The following GREB1L variants were observed in gnomAD, a reference collection of about 807,000 sequenced individuals.
The protein encoded by GREB1L is GREB1-like protein.
GREB1L carries 17 observed loss-of-function variants against 200.8 expected under a neutral mutation model. The observed-to-expected ratio is 0.08, with a 90% CI of 0.06 to 0.13. The LOEUF (loss-of-function observed/expected upper bound fraction) is 0.13. GREB1L is among the 10% of genes least tolerant of loss of function. GREB1L has a pLI of 1.00. For missense variants in GREB1L, 1,657 were observed against 2,367.7 expected (o/e 0.70, Z 6.23); for synonymous variants, 789 against 893.0 (o/e 0.88, Z 2.08).
chr18:21,440,243 T>C, intron 8 of GREB1L, 26 bp from the exon 9 acceptor site: 1 of 1,551,190 alleles, frequency 6.4e-7, no homozygotes. Flanking sequence ...ACTATCTCTT[T>C]TTTTTGTTTT....
At chr18:21,355,620 G>T (rs2143416471) in intron 1 of GREB1L, among the ~76,000 whole-genome samples, 1 of 152,302 alleles carries the variant, frequency 6.6e-6, no homozygotes, top group South Asian at 2.1e-4. Flanking sequence ...TTAGGAAATT[G>T]AGAAGCAGCC....
At chr18:21,411,518 G>A (rs2144700838) in intron 7 of GREB1L, among the ~76,000 whole-genome samples, 1 of 152,156 alleles carries the variant, frequency 6.6e-6, no homozygotes, top group East Asian at 1.9e-4. Context: ...ATGTTGGCAA[G>A]GATTTCAAGT....
At chr18:21,287,729 TGTGAGAGGA>T (rs1366868452) in intron 1 of GREB1L, among the ~76,000 whole-genome samples, 1 of 152,004 alleles carries the variant, frequency 6.6e-6, no homozygotes, top group East Asian at 1.9e-4. Context: ...TTTCGCAGCC[TGTGAGAGGA>T]GGAAAAGAAT....
intron 1 of GREB1L, among the ~76,000 whole-genome samples, chr18:21,243,709 G>A (rs1017231848): frequency 1.3e-5 from 2 of 152,112 alleles, no homozygotes; most frequent in African/African-American, 4.8e-5. Context: ...AAATTTTCTA[G>A]GAGGTTTTGT....
chr18:21,303,936 C>T (rs2088080996), intron 1 of GREB1L, among the ~76,000 whole-genome samples: 1 of 152,136 alleles, frequency 6.6e-6, no homozygotes, highest in South Asian at 2.1e-4. Flanking sequence ...GGGGAACAGC[C>T]TAGTCAAGAG....
At chr18:21,426,836 G>A (rs1257301683) in intron 7 of GREB1L, among the ~76,000 whole-genome samples, 1 of 151,838 alleles carries the variant, frequency 6.6e-6, no homozygotes, top group African/African-American at 2.4e-5. Flanking sequence ...GCAGGCACCT[G>A]TAGTCCCAGC....
intron 31 of GREB1L, 84 bp from the exon 32 acceptor site, chr18:21,520,604 G>T: frequency 7.2e-7 from 1 of 1,396,550 alleles, no homozygotes; most frequent in South Asian, 1.3e-5. Flanking sequence ...TAGAGAAAAA[G>T]GAAGGTACTG....
intron 1 of GREB1L, among the ~76,000 whole-genome samples, chr18:21,334,193 AT>A (rs2039150271): frequency 3.3e-5 from 5 of 152,166 alleles, no homozygotes; most frequent in Admixed American, 3.3e-4. Flanking sequence ...AACTATAGTA[AT>A]TGTAGGGTCC....
chr18:21,304,098 C>G (rs565916255), intron 1 of GREB1L, among the ~76,000 whole-genome samples: 5 of 152,128 alleles, frequency 3.3e-5, no homozygotes, highest in Non-Finnish European at 7.4e-5. Context: ...ATTGTCATGC[C>G]TCTTCTTAGA....
At chr18:21,360,658 G>C (rs1220493330) in intron 1 of GREB1L, among the ~76,000 whole-genome samples, 1 of 152,216 alleles carries the variant, frequency 6.6e-6, no homozygotes, top group Non-Finnish European at 1.5e-5. Flanking sequence ...TTGGTGCAAA[G>C]TGTTAATGTG....
intron 7 of GREB1L, among the ~76,000 whole-genome samples, chr18:21,415,672 T>C (rs2031558872): frequency 6.6e-6 from 1 of 152,128 alleles, no homozygotes; most frequent in Non-Finnish European, 1.5e-5. Flanking sequence ...CCAAGAAAAG[T>C]GGCTATTCCC....
chr18:21,330,312 G>A (rs79392167), intron 1 of GREB1L, among the ~76,000 whole-genome samples: 3 of 152,190 alleles, frequency 2.0e-5, no homozygotes, highest in Non-Finnish European at 4.4e-5. Flanking sequence ...CCAGAACTGA[G>A]TATTCAAGGT....
chr18:21,438,867 A>G (rs2033713620), intron 7 of GREB1L, among the ~76,000 whole-genome samples: 1 of 149,636 alleles, frequency 6.7e-6, no homozygotes, highest in Admixed American at 6.7e-5. Context: ...AGGCTGAGGC[A>G]GGAGAATGGC....
intron 5 of GREB1L, among the ~76,000 whole-genome samples, chr18:21,398,073 A>C (rs978154769): frequency 2.0e-5 from 3 of 152,188 alleles, no homozygotes; most frequent in Non-Finnish European, 2.9e-5. Flanking sequence ...TTTTTGTTCA[A>C]TGATTCTTTG....
intron 4 of GREB1L, among the ~76,000 whole-genome samples, chr18:21,394,275 T>C (rs2040950669): frequency 6.6e-6 from 1 of 152,198 alleles, no homozygotes; most frequent in African/African-American, 2.4e-5. Context: ...CCACATCAAT[T>C]TGGAGTGTCA....
At chr18:21,329,622 G>T (rs2039077096) in intron 1 of GREB1L, among the ~76,000 whole-genome samples, 1 of 152,098 alleles carries the variant, frequency 6.6e-6, no homozygotes, top group Non-Finnish European at 1.5e-5. Flanking sequence ...AGCAGCATTA[G>T]TAGCCTATTG....
chr18:21,468,054 G>A (rs902221417), intron 15 of GREB1L, among the ~76,000 whole-genome samples: 1 of 150,754 alleles, frequency 6.6e-6, no homozygotes, highest in Non-Finnish European at 1.5e-5. Context: ...TACGAAATGA[G>A]AGAGAAGTGA....
At chr18:21,434,139 A>G (rs990004662) in intron 7 of GREB1L, among the ~76,000 whole-genome samples, 4 of 152,196 alleles carry the variant, frequency 2.6e-5, no homozygotes, top group African/African-American at 9.7e-5. Context: ...CACTTTTAAA[A>G]TAATAAACTC....
intron 1 of GREB1L, among the ~76,000 whole-genome samples, chr18:21,346,378 A>G (rs1399668309): frequency 1.3e-5 from 2 of 151,932 alleles, no homozygotes; most frequent in Non-Finnish European, 2.9e-5. Flanking sequence ...GTTCAAAGCT[A>G]AAATGTGAAC....
Sources: gnomAD v4.1 joint callset for allele counts (sites outside exome capture counted in the v4.1 genomes callset) on GRCh38, gnomAD v4.1.1 for gene constraint, MANE v1.5 for transcripts, NCBI Gene and HGNC (gene_info 2026-07-23, HGNC 2026-07-21) for gene names.